The following PRKG1 variants were observed in gnomAD, a reference collection of about 807,000 sequenced individuals.
PRKG1 encodes protein kinase cGMP-dependent 1, also known as cGMP-dependent protein kinase 1.
A neutral mutation model predicts 88.1 loss-of-function variants in PRKG1; 35 were observed. The ratio of observed to expected loss-of-function variants is 0.40; its 90% CI spans 0.30 to 0.53. The LOEUF (loss-of-function observed/expected upper bound fraction) is 0.53, where lower values mean the gene tolerates loss of function less well. Among genes scored for constraint, PRKG1 ranks in the 20% least tolerant of loss-of-function variants. The pLI, the probability that PRKG1 is intolerant of heterozygous loss-of-function variation, is 0.59. For synonymous variants in PRKG1, 303 were observed against 292.5 expected (o/e 1.04, Z -0.37); for missense variants, 540 against 839.8 (o/e 0.64, Z 4.41).
intron 4 of PRKG1, among the ~76,000 whole-genome samples, chr10:51,808,807 A>G (rs1210126082): frequency 1.3e-5 from 2 of 152,178 alleles, no homozygotes; most frequent in East Asian, 3.8e-4. Context: ...GGGTAAAGCA[A>G]TGGCAATGCT....
chr10:51,979,611 CTTT>C (rs71032612), intron 5 of PRKG1, among the ~76,000 whole-genome samples: 10 of 72,280 alleles, frequency 1.4e-4, no homozygotes, highest in African/African-American at 2.7e-4. Context: ...TGGTCCTGGG[CTTT>C]TTTTTTTTTT....
chr10:51,007,326 GATTA>G (rs1370851622), intron 1 of PRKG1, among the ~76,000 whole-genome samples: 4 of 152,146 alleles, frequency 2.6e-5, no homozygotes, highest in African/African-American at 9.7e-5. Flanking sequence ...AATAGCAAGG[GATTA>G]ATTGATTCTC....
chr10:51,339,009 A>G (rs1484562758), intron 2 of PRKG1, among the ~76,000 whole-genome samples: 1 of 152,206 alleles, frequency 6.6e-6, no homozygotes, highest in African/African-American at 2.4e-5. Context: ...TATCCATTTC[A>G]CTGTCACATG....
chr10:51,814,435 T>C (rs1324113273), intron 4 of PRKG1, among the ~76,000 whole-genome samples: 2 of 139,700 alleles, frequency 1.4e-5, no homozygotes, highest in Admixed American at 1.3e-4. Context: ...TGTTAGAACT[T>C]AATTTTTTTT....
At chr10:51,361,646 T>C (rs1335045913) in intron 2 of PRKG1, among the ~76,000 whole-genome samples, 1 of 151,858 alleles carries the variant, frequency 6.6e-6, no homozygotes, top group African/African-American at 2.4e-5. Context: ...ATCTCATGCA[T>C]GATAATGATC....
chr10:51,023,075 A>G (rs1205325238), intron 1 of PRKG1, among the ~76,000 whole-genome samples: 2 of 152,348 alleles, frequency 1.3e-5, no homozygotes, highest in African/African-American at 4.8e-5. Flanking sequence ...AGCCTGACTA[A>G]GTAGAAAGGC....
intron 2 of PRKG1, among the ~76,000 whole-genome samples, chr10:51,448,672 T>A (rs1839345725): frequency 6.6e-6 from 1 of 152,068 alleles, no homozygotes; most frequent in Non-Finnish European, 1.5e-5. Context: ...CATGTCCCTG[T>A]TTGATATATA....
At chr10:52,043,953 A>C (rs1208998926) in intron 5 of PRKG1, among the ~76,000 whole-genome samples, 1 of 148,984 alleles carries the variant, frequency 6.7e-6, no homozygotes, top group African/African-American at 2.5e-5. Context: ...GTGGAATTTC[A>C]GCCCAGGTTA....
intron 2 of PRKG1, among the ~76,000 whole-genome samples, chr10:51,236,402 T>C (rs548331499): frequency 3.3e-5 from 5 of 152,302 alleles, no homozygotes; most frequent in African/African-American, 1.2e-4. Context: ...TTTCATGTGA[T>C]ATTTTTCCCA....
rs192425358 is a variant in PRKG1, at chr10:51,727,280, A to G, written c.593-77305A>G. The stretch of plus-strand genomic sequence containing the variant: ...ACACAGTAAGACCCCATTGCAAAAA[A>G]AAAAAATATATATATATATATTTTT... On this transcript the variant is annotated intron_variant, in intron 3 of 17. Transcript: ENST00000373980. Among the ~76,000 whole-genome samples the G allele has an allele frequency of 7.2e-3, 1,066 of 147,510 alleles. 12 individuals are homozygous for G. The highest frequency in any genetic ancestry group is 0.026 in the African/African-American group (1,020 of 39,566).
At chr10:51,464,054 G>A (rs1588983710) in intron 2 of PRKG1, among the ~76,000 whole-genome samples, 1 of 152,130 alleles carries the variant, frequency 6.6e-6, no homozygotes, top group African/African-American at 2.4e-5. Flanking sequence ...GGCGGATCAC[G>A]AGATCAGGAG....
intron 3 of PRKG1, among the ~76,000 whole-genome samples, chr10:51,578,011 T>G (rs1165565725): frequency 6.6e-6 from 1 of 152,124 alleles, no homozygotes; most frequent in Non-Finnish European, 1.5e-5. Flanking sequence ...TTCGTTAGGA[T>G]TCTCTAATCA....
At chr10:51,988,670 C>T (rs1222586006) in intron 5 of PRKG1, among the ~76,000 whole-genome samples, 5 of 151,954 alleles carry the variant, frequency 3.3e-5, no homozygotes, top group Non-Finnish European at 7.4e-5. Flanking sequence ...CTATGCATAT[C>T]CTTTATACCT....
chr10:51,428,919 T>A (rs1455323288), intron 2 of PRKG1, among the ~76,000 whole-genome samples: 3 of 152,174 alleles, frequency 2.0e-5, no homozygotes, highest in Non-Finnish European at 4.4e-5. Flanking sequence ...AAGACAGCCA[T>A]TGTGTGCATT....
chr10:51,198,472 A>G (rs1339759466), intron 2 of PRKG1, among the ~76,000 whole-genome samples: 1 of 152,224 alleles, frequency 6.6e-6, no homozygotes, highest in Non-Finnish European at 1.5e-5. Flanking sequence ...AGATTTCCCC[A>G]TAAATTAGTG....
chr10:51,039,698 A>G (rs1843395493), intron 1 of PRKG1, among the ~76,000 whole-genome samples: 1 of 152,102 alleles, frequency 6.6e-6, no homozygotes, highest in South Asian at 2.1e-4. Flanking sequence ...GAGTTTTCCC[A>G]ATGTTTCTTT....
intron 1 of PRKG1, among the ~76,000 whole-genome samples, chr10:51,107,146 G>A (rs2131890680): frequency 6.6e-6 from 1 of 152,272 alleles, no homozygotes; most frequent in Non-Finnish European, 1.5e-5. Flanking sequence ...GGAAGAAAGA[G>A]CAAGTCCAAG....
rs532284834 is a variant in PRKG1, at chr10:52,111,455, T to C, written c.936-22385T>C. Among the ~76,000 whole-genome samples the C allele has an allele frequency of 1.7e-4, 26 of 152,354 alleles. No individual in the cohort carries two copies. The South Asian group carries it at 5.4e-3, about 32-fold the overall frequency. Reference sequence around the variant, plus strand: ...AGAAAATGTAGTACATATTGTGATGTTTCTCTACTCTTATTAAAATTGCTT... The same window carrying C: ...AGAAAATGTAGTACATATTGTGATGCTTCTCTACTCTTATTAAAATTGCTT... On this transcript the variant is annotated intron_variant, in intron 7 of 17. Coordinates refer to ENST00000373980, the MANE Select transcript of PRKG1 (RefSeq NM_006258.4).
intron 2 of PRKG1, among the ~76,000 whole-genome samples, chr10:51,202,887 C>T (rs1322126092): frequency 6.6e-6 from 1 of 152,192 alleles, no homozygotes; most frequent in Non-Finnish European, 1.5e-5. Context: ...TTGAGCATCA[C>T]ATTGATTCTG....
Sources: allele counts gnomAD v4.1 joint callset (sites outside exome capture counted in the v4.1 genomes callset), GRCh38; gene constraint gnomAD v4.1.1; transcripts MANE v1.5; gene names NCBI Gene and HGNC (gene_info 2026-07-23, HGNC 2026-07-21).